The following PZP variants were observed in gnomAD, a reference collection of about 807,000 sequenced individuals.
PZP encodes pregnancy zone protein.
A neutral mutation model predicts 179.8 loss-of-function variants in PZP; 150 were observed. That is an observed-to-expected ratio of 0.83 (90% CI 0.73 to 0.96). The LOEUF (loss-of-function observed/expected upper bound fraction) is 0.96, where lower values mean the gene tolerates loss of function less well. Among genes scored for constraint, PZP ranks in the 40% least tolerant of loss-of-function variants. The pLI is 0.00. For missense variants in PZP, 1,689 were observed against 1,764.0 expected, an observed-to-expected ratio of 0.96 and a Z score of 0.76; for synonymous variants, 624 against 652.3, an observed-to-expected ratio of 0.96 and a Z score of 0.66.
chr12:9,151,800 G>A, intron 32 of PZP, 128 bp from the exon 33 acceptor site: 1 of 675,626 alleles, frequency 1.5e-6, no homozygotes, highest in Non-Finnish European at 2.5e-6. Context: ...TTGTTTTCAG[G>A]TCAGGAGTTC....
chr12:9,169,595 T>G lies in PZP; in HGVS notation c.1840-4A>C. 1 of 1,597,466 alleles carries G rather than the reference T, an allele frequency of 6.3e-7. No homozygotes were observed. The highest frequency in any genetic ancestry group is 1.7e-4 in the Middle Eastern group (1 of 5,998). On this transcript the variant is annotated splice_region_variant and splice_polypyrimidine_tract_variant and intron_variant, in intron 15 of 35. Coordinates refer to ENST00000261336, the MANE Select transcript of PZP (RefSeq NM_002864.3). Reference sequence around the variant, plus strand: ...TCACAGTTAGCAGATTATATACCTGTAGCAGTGGGGGGATCAAAGGCAGAA... The same window carrying G: ...TCACAGTTAGCAGATTATATACCTGGAGCAGTGGGGGGATCAAAGGCAGAA...
At chr12:9,164,440 G>A (rs1403415174) in intron 19 of PZP, among the ~76,000 whole-genome samples, 181 bp from the exon 20 acceptor site, 3 of 152,236 alleles carry the variant, frequency 2.0e-5, no homozygotes, top group Non-Finnish European at 4.4e-5. Context: ...ATCAAGATTG[G>A]TTGTGTATTA....
chr12:9,203,976 A>C, intron 1 of PZP, 25 bp from the exon 2 acceptor site: 1 of 1,573,090 alleles, frequency 6.4e-7, no homozygotes. Context: ...AGTCTAAATT[A>C]GAGAAAAACT....
chr12:9,198,403 G>A (rs987622705), intron 7 of PZP, among the ~76,000 whole-genome samples: 6 of 152,152 alleles, frequency 3.9e-5, no homozygotes, highest in Admixed American at 1.3e-4. Flanking sequence ...TCTTTATTTT[G>A]TTTTAATAAT....
chr12:9,172,733 G>A lies in PZP; in HGVS notation c.1840-3142C>T, dbSNP rs767697812. ...ACAAAGATCAAACAAACAAAGAAGGGTAGTATATAATAGTAAAGGATTCAA... is the reference window on the plus strand; with the variant it reads ...ACAAAGATCAAACAAACAAAGAAGGATAGTATATAATAGTAAAGGATTCAA... On this transcript the variant is annotated intron_variant, in intron 15 of 35. Coordinates refer to ENST00000261336, the MANE Select transcript of PZP (RefSeq NM_002864.3). 7.9e-5 allele frequency among the ~76,000 whole-genome samples: 12 copies of A among 152,178 alleles called. No individual in the cohort carries two copies. The South Asian group carries it at 2.5e-3, about 32-fold the overall frequency.
chr12:9,204,696 C>A (rs1464714058), intron 1 of PZP, among the ~76,000 whole-genome samples: 4 of 152,048 alleles, frequency 2.6e-5, no homozygotes, highest in Non-Finnish European at 4.4e-5. Context: ...TGCTCAATTT[C>A]TTGAGGCAAT....
intron 24 of PZP, 69 bp from the exon 25 acceptor site, chr12:9,160,094 C>T: frequency 7.0e-7 from 1 of 1,433,560 alleles, no homozygotes; most frequent in Non-Finnish European, 9.8e-7. Flanking sequence ...TGTTTAGGCT[C>T]ATGCATCCAG....
At chr12:9,204,759 C>G (rs762023821) in intron 1 of PZP, among the ~76,000 whole-genome samples, 3 of 152,066 alleles carry the variant, frequency 2.0e-5, no homozygotes, top group East Asian at 3.9e-4. Context: ...ATGTTTGTTT[C>G]GAATCACATG....
At chr12:9,160,153 A>T in intron 24 of PZP, 128 bp from the exon 25 acceptor site, 1 of 1,139,038 alleles carries the variant, frequency 8.8e-7, no homozygotes, top group South Asian at 1.5e-5. Context: ...AGTTTTGTGA[A>T]TGTTATGGAT....
chr12:9,153,032 GCC>G, intron 30 of PZP, 81 bp from the exon 31 acceptor site: 1 of 1,604,166 alleles, frequency 6.2e-7, no homozygotes, highest in Non-Finnish European at 8.5e-7. Flanking sequence ...CTCCAGAGGT[GCC>G]TTTTACTTTC....
chr12:9,163,193 A>G (rs1269652150), intron 21 of PZP, among the ~76,000 whole-genome samples: 1 of 151,536 alleles, frequency 6.6e-6, no homozygotes, highest in East Asian at 1.9e-4. Flanking sequence ...ATTGCGCTCA[A>G]TGTAATCCCA....
chr12:9,157,471 G>A (rs996252198), intron 27 of PZP, 116 bp from the exon 28 acceptor site: 4 of 961,536 alleles, frequency 4.2e-6, no homozygotes, highest in African/African-American at 3.3e-5. Context: ...TAGGCAGACA[G>A]CTAGATATTC....
chr12:9,171,364 C>T (rs758544225), intron 15 of PZP, among the ~76,000 whole-genome samples: 1 of 152,232 alleles, frequency 6.6e-6, no homozygotes, highest in South Asian at 2.1e-4. Context: ...GGGCAGCAGC[C>T]TCAAGGATTA....
At chr12:9,169,856 G>C (rs779606684) in intron 15 of PZP, 1 of 284,770 alleles carries the variant, frequency 3.5e-6, no homozygotes, top group South Asian at 1.1e-4. Context: ...GTAGAGTCTA[G>C]AGGTAAAAAT....
the PZP span, among the ~76,000 whole-genome samples, chr12:9,141,733 A>G: frequency 2.6e-5 from 4 of 152,142 alleles, no homozygotes; most frequent in African/African-American, 7.2e-5. Flanking sequence ...TGTTTTTTCA[A>G]TAGTCTTAAA....
intron 29 of PZP, 32 bp downstream of exon 29, chr12:9,154,584 C>G (rs780117247): frequency 1.3e-6 from 2 of 1,594,538 alleles, no homozygotes; most frequent in Admixed American, 3.4e-5. Flanking sequence ...CCAAGTGAAC[C>G]TGGAGCAGAA....
At chr12:9,204,156 T>G (rs776711432) in intron 1 of PZP, among the ~76,000 whole-genome samples, 81 of 152,212 alleles carry the variant, frequency 5.3e-4, no homozygotes, top group Non-Finnish European at 8.7e-4. Context: ...CCACACAATC[T>G]GGAGCCATAC....
intron 32 of PZP, among the ~76,000 whole-genome samples, chr12:9,151,991 G>C (rs1219437123): frequency 6.6e-6 from 1 of 152,090 alleles, no homozygotes; most frequent in East Asian, 1.9e-4. Flanking sequence ...TTAAATTCCT[G>C]ACTAAACTAT....
chr12:9,137,500 T>C, the PZP span, among the ~76,000 whole-genome samples: 6 of 152,242 alleles, frequency 3.9e-5, no homozygotes, highest in East Asian at 1.2e-3. Flanking sequence ...ATTGATTTTG[T>C]TATTTGTGGT....
Sources: gnomAD v4.1 joint callset for allele counts (sites outside exome capture counted in the v4.1 genomes callset) on GRCh38, gnomAD v4.1.1 for gene constraint, MANE v1.5 for transcripts, NCBI Gene and HGNC (gene_info 2026-07-23, HGNC 2026-07-21) for gene names.